FN3K: variants seen among roughly 807,000 people sequenced by gnomAD.
The protein encoded by FN3K is fructosamine-3-kinase.
Under a neutral mutation model 24.8 loss-of-function variants are expected in FN3K, and 24 were observed. The ratio of observed to expected loss-of-function variants is 0.97; its 90% CI spans 0.70 to 1.36. The LOEUF is 1.36. FN3K is among the 40% of genes most tolerant of loss of function. The pLI is 0.00. For missense variants in FN3K, 449 were observed against 416.7 expected (o/e 1.08, Z -0.67); for synonymous variants, 192 against 175.2 (o/e 1.10, Z -0.76).
Position 82,740,806 on chromosome 17 carries a change from T to C in FN3K, c.337T>C (p.Tyr113His), listed in dbSNP as rs2046937151. 4 of 1,613,800 alleles carry C rather than the reference T, an allele frequency of 2.5e-6. No individual in the cohort carries two copies. The highest frequency in any genetic ancestry group is 1.3e-5 in the African/African-American group (1 of 75,040). The change falls in exon 3 of 6, where the codon TAC becomes CAC. Residue 113 changes from tyrosine (Y) to histidine (H), a missense_variant. Tyr to His is a moderately conservative substitution (Grantham distance 83, BLOSUM62 2). Transcript: ENST00000300784. The stretch of plus-strand genomic sequence containing the variant: ...AGAGCAGATGGCAGATTTGCATCTT[T>C]ACAACCAGAAGCTCAGGGAGAAGTT... Reference protein sequence around the residue: ...LGEQMADLHLYNQKLREKLKE... With the variant: ...LGEQMADLHLHNQKLREKLKE...
rs1475767546 is a variant in FN3K at position 82,741,363 on chromosome 17, C to T, written c.438C>T (p.His146=). 3 of 1,613,916 alleles carry T rather than the reference C, an allele frequency of 1.9e-6. No individual in the cohort carries two copies. Among genetic ancestry groups the T allele is most frequent in the South Asian group, 1.1e-5 (1 of 91,034 alleles). The change falls in exon 4 of 6, where the codon CAC becomes CAT. Residue 146 remains histidine, a synonymous_variant. Transcript: ENST00000300784. ...EPQYVDKFGF[H]TVTCCGFIPQ... The stretch of plus-strand genomic sequence containing the variant: ...AGTATGTGGACAAGTTCGGCTTCCA[C>T]ACGGTGACGTGCTGCGGCTTCATCC...
rs182660753 is a variant in FN3K at position 82,746,519 on chromosome 17, G to A, written c.469-2336G>A. Among the ~76,000 whole-genome samples, 479 of 152,072 alleles carry A rather than the reference G, an allele frequency of 3.1e-3. 1 individual carries two copies. Among genetic ancestry groups the A allele is most frequent in the Non-Finnish European group, 5.2e-3 (356 of 67,980 alleles). The stretch of plus-strand genomic sequence containing the variant: ...TATTTTCTTGGAAGCGTCCTTCAGA[G>A]GCTGGGCATGGTGGCTCGCGCCTGT... On this transcript the variant is annotated intron_variant, in intron 4 of 5. Coordinates refer to ENST00000300784, the MANE Select transcript of FN3K (RefSeq NM_022158.4).
chr17:82,741,452 A>G, intron 4 of FN3K, 59 bp downstream of exon 4: 2 of 1,403,902 alleles, frequency 1.4e-6, no homozygotes, highest in Admixed American at 1.9e-5. Context: ...CACTCTTTAT[A>G]TGTGACAGAA....
intron 4 of FN3K, among the ~76,000 whole-genome samples, chr17:82,743,943 C>T (rs1284643153): frequency 6.6e-6 from 1 of 151,828 alleles, no homozygotes; most frequent in Non-Finnish European, 1.5e-5. Flanking sequence ...GGTGGCAGGA[C>T]TGGGCTAGCC....
intron 1 of FN3K, chr17:82,738,254 T>C: frequency 3.6e-6 from 2 of 560,654 alleles, no homozygotes; most frequent in Non-Finnish European, 6.4e-6. Flanking sequence ...CACAGCAGCC[T>C]GCAGACCCCA....
intron 4 of FN3K, among the ~76,000 whole-genome samples, chr17:82,743,169 G>A (rs145945490): frequency 2.0e-5 from 3 of 152,352 alleles, no homozygotes; most frequent in African/African-American, 7.2e-5. Context: ...TGGTCCTGCT[G>A]TGGATGCTGA....
At chr17:82,750,329 C>A in intron 5 of FN3K, 88 bp from the exon 6 acceptor site, 2 of 1,195,610 alleles carry the variant, frequency 1.7e-6, no homozygotes, top group Non-Finnish European at 1.2e-6. Flanking sequence ...AAGCAGATCG[C>A]GAGTGGGCTT....
chr17:82,749,480 A>G lies in FN3K; in HGVS notation c.591+503A>G, dbSNP rs889988599. Reference sequence around the variant, plus strand: ...GGAGTTTGAGACCAGCCTGGCCAACATGGTGAAACCCTGTCTGTACTAAAA... The same window carrying G: ...GGAGTTTGAGACCAGCCTGGCCAACGTGGTGAAACCCTGTCTGTACTAAAA... On this transcript the variant is annotated intron_variant, in intron 5 of 5. Coordinates refer to ENST00000300784, the MANE Select transcript of FN3K (RefSeq NM_022158.4). 2.7e-5 allele frequency: 7 copies of G among 262,492 alleles called. No homozygotes were observed. In the East Asian group the frequency reaches 5.9e-4, roughly 22 times the overall value. The allele number at this position is 262,492 out of a possible 1,614,324, so 16.3% of individuals were successfully genotyped here. A position where few individuals can be genotyped will look rare whatever the true frequency, so the allele number is the denominator to read the frequency against.
intron 5 of FN3K, chr17:82,749,216 GCCTCAGACTTT>G (rs1171517670): frequency 3.4e-6 from 2 of 593,744 alleles, no homozygotes; most frequent in Non-Finnish European, 6.1e-6. Flanking sequence ...CAGGTATTTA[GCCTCAGACTTT>G]CCTCATGTGA....
intron 4 of FN3K, 125 bp downstream of exon 4, chr17:82,741,518 G>C: frequency 2.2e-6 from 2 of 905,096 alleles, no homozygotes; most frequent in East Asian, 5.5e-5. Context: ...AAGCAGAGTA[G>C]AAGCTGTGAT....
chr17:82,735,645 G>A lies in FN3K; in HGVS notation c.9G>A (p.Gln3=). ME[Q]LLRAELRTAT... is the part of the protein sequence containing the mutation. ...CCCGCGCCCCGCACTCCATGGAGCA[G>A]CTGCTGCGCGCCGAGCTGCGCACCG... is the stretch of plus-strand genomic sequence containing the variant. The change falls in exon 1 of 6, where the codon CAG becomes CAA. Residue 3 remains glutamine (Q), a synonymous_variant. Transcript: ENST00000300784. The A allele has an allele frequency of 1.3e-6, 2 of 1,537,838 alleles. No homozygotes were observed. Among genetic ancestry groups the A allele is most frequent in the Non-Finnish European group, 1.7e-6 (2 of 1,149,636 alleles).
chr17:82,741,149 C>G (rs1322138664), intron 3 of FN3K, 162 bp from the exon 4 acceptor site: 1 of 731,910 alleles, frequency 1.4e-6, no homozygotes, highest in African/African-American at 1.7e-5. Context: ...TAGGAGTGTC[C>G]TGGCAGATCC....
chr17:82,742,655 C>A, intron 4 of FN3K: 1 of 455,520 alleles, frequency 2.2e-6, no homozygotes, highest in African/African-American at 2.0e-5. Context: ...CTTGAACCAT[C>A]ATCTTTGAAA....
rs559170168 is a variant in FN3K, at chr17:82,750,813, C to CCCCCCGT, written c.*69_*75dup. 5 of 1,340,080 alleles carry CCCCCCGT rather than the reference C, an allele frequency of 3.7e-6. No homozygotes were observed. Among genetic ancestry groups the CCCCCCGT allele is most frequent in the Admixed American group, 4.2e-5 (2 of 48,130 alleles). 83.0% of individuals were successfully genotyped at this position (1,340,080 alleles called of 1,614,324 possible). Reference sequence around the variant, plus strand: ...CCCGTCTCCGTCTCCCCGTCCCTGTCCCCCCGTCCCCCGTCCCTGTGCCCC... The same window carrying CCCCCCGT: ...CCCGTCTCCGTCTCCCCGTCCCTGTCCCCCCGTCCCCCGTCCCCCGTCCCTGTGCCCC... On this transcript the variant is annotated 3_prime_UTR_variant, in exon 6 of 6. Coordinates refer to ENST00000300784, the MANE Select transcript of FN3K (RefSeq NM_022158.4).
At chr17:82,750,288 G>A (rs2046998573) in intron 5 of FN3K, 129 bp from the exon 6 acceptor site, 1 of 814,668 alleles carries the variant, frequency 1.2e-6, no homozygotes, top group African/African-American at 1.7e-5. Flanking sequence ...CTATTTCTGG[G>A]CTTGGCAGGC....
chr17:82,746,208 G>A (rs1242406244), intron 4 of FN3K, among the ~76,000 whole-genome samples: 7 of 151,960 alleles, frequency 4.6e-5, no homozygotes, highest in African/African-American at 1.7e-4. Flanking sequence ...CAACACTTGA[G>A]ATTTTTTGTT....
In FN3K at chr17:82,750,443, CCT is replaced by C; in HGVS notation, c.619_620del (p.Leu207ArgfsTer18). On this transcript the variant is annotated frameshift_variant, in exon 6 of 6. Coordinates refer to ENST00000300784, the MANE Select transcript of FN3K (RefSeq NM_022158.4). LOFTEE classifies it low-confidence loss of function (END_TRUNC). ...TGAAGATCCCGGATCTGTTTTGTGG[CCT>C]AGAGATTGTCCCCGCGTTGCTCCAC... ...QVKIPDLFCG[L>X]EIVPALLHGD... The C allele has an allele frequency of 6.2e-7, 1 of 1,614,162 alleles. No individual in the cohort carries two copies. The highest frequency in any genetic ancestry group is 1.7e-5 in the Admixed American group (1 of 60,020).
At chr17:82,748,060 C>T (rs554784307) in intron 4 of FN3K, among the ~76,000 whole-genome samples, 1 of 152,036 alleles carries the variant, frequency 6.6e-6, no homozygotes, top group East Asian at 1.9e-4. Flanking sequence ...CATTAGTCGA[C>T]TCCCTTTGTG....
At chr17:82,736,041 G>C in intron 1 of FN3K, 1 of 442,008 alleles carries the variant, frequency 2.3e-6, no homozygotes. Context: ...GCAAGCGTCG[G>C]GGGATGTGAG....
Sources: allele counts gnomAD v4.1 joint callset (sites outside exome capture counted in the v4.1 genomes callset), GRCh38; gene constraint gnomAD v4.1.1; transcripts MANE v1.5; gene names NCBI Gene and HGNC (gene_info 2026-07-23, HGNC 2026-07-21).